The following SRD5A1 variants were observed in gnomAD, a reference collection of about 807,000 sequenced individuals.
SRD5A1 encodes steroid 5 alpha-reductase 1.
Under a neutral mutation model 28.2 loss-of-function variants are expected in SRD5A1, and 22 were observed. That is an observed-to-expected ratio of 0.78 (90% CI 0.56 to 1.12). The LOEUF is 1.12. Ranked by LOEUF, SRD5A1 falls within the 50% of genes most tolerant of loss-of-function variation. The probability of loss-of-function intolerance (pLI) is 0.00; values close to 1 mark genes in which losing one functional copy is unlikely to be tolerated. For synonymous variants in SRD5A1, 151 were observed against 135.0 expected (o/e 1.12, Z -0.82); for missense variants, 300 against 346.7 (o/e 0.87, Z 1.07).
rs757121026 is a variant in SRD5A1, at chr5:6,633,643, G to A, written c.67G>A (p.Val23Met). 3 of 1,559,884 alleles carry A rather than the reference G, an allele frequency of 1.9e-6. No homozygotes were observed. Among genetic ancestry groups the A allele is most frequent in the East Asian group, 2.4e-5 (1 of 42,478 alleles). ...LAALAYLQCA[V>M]GCAVFARNRQ... is the part of the protein sequence containing the mutation. ...CGCGCTCGCCTACCTGCAGTGCGCC[G>A]TGGGCTGCGCGGTCTTCGCGCGCAA... The change falls in exon 1 of 5, where the codon GTG becomes ATG. Residue 23 changes from valine (V) to methionine (M), a missense_variant. By Grantham distance (21) the Val-to-Met change is conservative. This residue lies in a region of SRD5A1 where 174 missense variants were observed against 160.9 expected (regional missense o/e 1.08). Transcript: ENST00000274192.
chr5:6,648,584 T>C (rs966063624), intron 1 of SRD5A1, among the ~76,000 whole-genome samples: 1 of 152,222 alleles, frequency 6.6e-6, no homozygotes, highest in Non-Finnish European at 1.5e-5. Context: ...CTTCACGAAG[T>C]TCTTGTGCTG....
intron 2 of SRD5A1, among the ~76,000 whole-genome samples, chr5:6,654,754 G>C (rs952114564): frequency 3.9e-5 from 6 of 152,166 alleles, no homozygotes; most frequent in Admixed American, 3.9e-4. Context: ...TCTTATAAAT[G>C]GAATTAAATA....
rs75440078 is a variant in SRD5A1, at chr5:6,659,552, C to T, written c.563-3264C>T. On this transcript the variant is annotated intron_variant, in intron 3 of 4. Transcript: ENST00000274192. ...ACAGAATATATTTTAAAAACTAATT[C>T]AAGAAAGCTTTTGTGAAGTAAAACA... Among the ~76,000 whole-genome samples the T allele has an allele frequency of 2.5e-3, 377 of 152,226 alleles. 1 individual carries two copies. The highest frequency in any genetic ancestry group is 4.5e-3 in the Non-Finnish European group (309 of 68,014).
At chr5:6,636,286 C>T (rs473262) in intron 1 of SRD5A1, among the ~76,000 whole-genome samples, 3,635 of 152,278 alleles carry the variant, frequency 0.024, 158 homozygotes, top group African/African-American at 0.082. Flanking sequence ...ATCCCAGCAG[C>T]CCCTGGAAGC....
At chr5:6,654,470 G>A (rs1385385279) in intron 2 of SRD5A1, among the ~76,000 whole-genome samples, 1 of 151,718 alleles carries the variant, frequency 6.6e-6, no homozygotes, top group African/African-American at 2.4e-5. Flanking sequence ...GAGGCAGCCT[G>A]TCATCCAGGC....
intron 3 of SRD5A1, among the ~76,000 whole-genome samples, chr5:6,657,010 GAAGC>G (rs1420542228): frequency 6.6e-6 from 1 of 152,182 alleles, no homozygotes. Flanking sequence ...TTAGGAGTAA[GAAGC>G]AATGTACCAT....
At chr5:6,634,019 C>A in intron 1 of SRD5A1, 150 bp downstream of exon 1, 1 of 807,262 alleles carries the variant, frequency 1.2e-6, no homozygotes, top group Non-Finnish European at 1.9e-6. Flanking sequence ...CCCATCTGCA[C>A]GGGTGCCCTT....
At chr5:6,654,911 G>T (rs1394782105) in intron 2 of SRD5A1, among the ~76,000 whole-genome samples, 1 of 152,112 alleles carries the variant, frequency 6.6e-6, no homozygotes, top group Non-Finnish European at 1.5e-5. Context: ...AATTACCTAG[G>T]GGTGAAATAC....
Position 6,633,600 on chromosome 5 carries a change from G to C in SRD5A1, c.24G>C (p.Ala8=). The C allele has an allele frequency of 6.6e-7, 1 of 1,521,924 alleles. No individual in the cohort carries two copies. The highest frequency in any genetic ancestry group is 8.8e-7 in the Non-Finnish European group (1 of 1,142,328). 94.3% of individuals were successfully genotyped at this position (1,521,924 alleles called of 1,614,324 possible). The change falls in exon 1 of 5, where the codon GCG becomes GCC. Residue 8 remains alanine (A), a synonymous_variant. Transcript: ENST00000274192. MATATGV[A]EERLLAALAY... is the part of the protein sequence containing the mutation. The stretch of plus-strand genomic sequence containing the variant: ...CGATGGCAACGGCGACGGGGGTGGC[G>C]GAGGAGCGCCTGCTGGCCGCGCTCG...
chr5:6,655,328 GAATT>G (rs1738799558), intron 2 of SRD5A1, among the ~76,000 whole-genome samples: 1 of 152,116 alleles, frequency 6.6e-6, no homozygotes, highest in East Asian at 1.9e-4. Flanking sequence ...TTTCTTGATG[GAATT>G]AATTGATGTG....
chr5:6,662,396 C>T lies in SRD5A1; in HGVS notation c.563-420C>T, dbSNP rs73033330. ...CCTGGGCAGGGCATGGCCCATAATACGGACTCAGTGCATTTGTGAAGATGT... is the reference window on the plus strand; with the variant it reads ...CCTGGGCAGGGCATGGCCCATAATATGGACTCAGTGCATTTGTGAAGATGT... On this transcript the variant is annotated intron_variant, in intron 3 of 4. Transcript: ENST00000274192. 6.4e-3 allele frequency among the ~76,000 whole-genome samples: 972 copies of T among 152,328 alleles called. 8 individuals carry two copies. Among genetic ancestry groups the T allele is most frequent in the African/African-American group, 0.022 (926 of 41,572 alleles).
chr5:6,664,991 G>A (rs988335537), intron 4 of SRD5A1, among the ~76,000 whole-genome samples: 1 of 152,262 alleles, frequency 6.6e-6, no homozygotes, highest in Non-Finnish European at 1.5e-5. Flanking sequence ...TGGGCCTTCT[G>A]TGCTGAGAAC....
At chr5:6,652,873 C>T (rs1421613277) in intron 2 of SRD5A1, among the ~76,000 whole-genome samples, 1 of 95,140 alleles carries the variant, frequency 1.1e-5, no homozygotes, top group Non-Finnish European at 2.1e-5. Flanking sequence ...GACTCTGTCT[C>T]AAAAAAAAAA....
rs1225885775 is a variant in SRD5A1, at chr5:6,670,646, G to C, written c.*2378G>C. On this transcript the variant is annotated 3_prime_UTR_variant, in exon 5 of 5. Transcript: ENST00000274192. ...AGAAAAAACAGTCCTGGCCCAGGTGGAGTGACAGGTAAGAAACAAGTAAGT... is the reference window on the plus strand; with the variant it reads ...AGAAAAAACAGTCCTGGCCCAGGTGCAGTGACAGGTAAGAAACAAGTAAGT... The C allele has an allele frequency of 6.6e-6, 1 of 152,216 alleles. No individual in the cohort carries two copies. The highest frequency in any genetic ancestry group is 6.5e-5 in the Admixed American group (1 of 15,288). 9.4% of individuals were successfully genotyped at this position (152,216 alleles called of 1,614,324 possible). A position where few individuals can be genotyped will look rare whatever the true frequency, so the allele number is the denominator to read the frequency against.
intron 1 of SRD5A1, among the ~76,000 whole-genome samples, chr5:6,648,895 G>C (rs1007386301): frequency 6.6e-6 from 1 of 152,082 alleles, no homozygotes; most frequent in African/African-American, 2.4e-5. Context: ...CCCCATCTTT[G>C]TGGATTTATC....
chr5:6,635,750 G>A (rs1338755573), intron 1 of SRD5A1, among the ~76,000 whole-genome samples: 4 of 152,212 alleles, frequency 2.6e-5, no homozygotes. Flanking sequence ...CTGTGGTGTT[G>A]GAAATCAAGG....
chr5:6,668,273 G>A lies in SRD5A1; in HGVS notation c.*5G>A, dbSNP rs145454079. ...ATAATTCCATTTTTGTTTTAAGTGCGTTTTTCATGAAATTATCTTCAACTT... is the reference window on the plus strand; with the variant it reads ...ATAATTCCATTTTTGTTTTAAGTGCATTTTTCATGAAATTATCTTCAACTT... On this transcript the variant is annotated 3_prime_UTR_variant, in exon 5 of 5. Transcript: ENST00000274192. 7.2e-5 allele frequency: 111 copies of A among 1,540,190 alleles called. No individual in the cohort carries two copies. Among genetic ancestry groups the A allele is most frequent in the African/African-American group, 9.6e-5 (7 of 72,730 alleles).
In SRD5A1 at chr5:6,633,549, G is replaced by A. The variant is rs1470438638; in HGVS notation, c.-28G>A. 4.7e-6 allele frequency: 7 copies of A among 1,476,752 alleles called. No homozygotes were observed. In the East Asian group the frequency reaches 8.2e-5, roughly 17 times the overall value. The allele number at this position is 1,476,752 out of a possible 1,614,324, so 91.5% of individuals were successfully genotyped here. A position where few individuals can be genotyped will look rare whatever the true frequency, so the allele number is the denominator to read the frequency against. On this transcript the variant is annotated 5_prime_UTR_variant, in exon 1 of 5. Coordinates refer to ENST00000274192, the MANE Select transcript of SRD5A1 (RefSeq NM_001047.4). Reference sequence around the variant, plus strand: ...TATGTTGCCCGCCGCGGCCTCTGGGGCATGGAGCACGCTGCCCAGCCCTGG... The same window carrying A: ...TATGTTGCCCGCCGCGGCCTCTGGGACATGGAGCACGCTGCCCAGCCCTGG...
At chr5:6,658,122 C>T (rs183283440) in intron 3 of SRD5A1, among the ~76,000 whole-genome samples, 18 of 152,106 alleles carry the variant, frequency 1.2e-4, no homozygotes, top group East Asian at 5.8e-4. Context: ...GTCCAGAGTT[C>T]GAGACCAACC....
Sources: allele counts gnomAD v4.1 joint callset (sites outside exome capture counted in the v4.1 genomes callset), GRCh38; gene constraint gnomAD v4.1.1; regional missense constraint gnomAD v4.1.1; transcripts MANE v1.5; gene names NCBI Gene and HGNC (gene_info 2026-07-23, HGNC 2026-07-21).